The following CSPG4 variants were observed in gnomAD, a reference collection of about 807,000 sequenced individuals.
CSPG4 encodes chondroitin sulfate proteoglycan 4 (melanoma-associated).
In CSPG4, 74 loss-of-function variants were observed where a neutral mutation model predicts 139.3. The ratio of observed to expected loss-of-function variants is 0.53; its 90% CI spans 0.44 to 0.64. The LOEUF (loss-of-function observed/expected upper bound fraction) is 0.64, where lower values mean the gene tolerates loss of function less well. Among genes scored for constraint, CSPG4 ranks in the 30% least tolerant of loss-of-function variants. The pLI is 0.00. For synonymous variants in CSPG4, 1,234 were observed against 1,394.2 expected, an observed-to-expected ratio of 0.89 and a Z score of 2.56; for missense variants, 2,565 against 3,148.3, an observed-to-expected ratio of 0.81 and a Z score of 4.43.
chr15:75,691,033 G>A (rs1481084095), intron 2 of CSPG4, among the ~76,000 whole-genome samples: 1 of 152,186 alleles, frequency 6.6e-6, no homozygotes, highest in Non-Finnish European at 1.5e-5. Flanking sequence ...AATTAGCTGG[G>A]CATGGTGGCG....
intron 1 of CSPG4, among the ~76,000 whole-genome samples, chr15:75,707,658 A>C (rs1280258973): frequency 2.0e-5 from 3 of 152,190 alleles, no homozygotes; most frequent in Non-Finnish European, 4.4e-5. Context: ...GGCCCTTAGT[A>C]CCAATCTTCA....
Position 75,690,745 on chromosome 15 carries a change from G to A in CSPG4, c.320C>T (p.Ser107Phe). The A allele has an allele frequency of 6.2e-7, 1 of 1,613,210 alleles. No individual in the cohort carries two copies. The highest frequency in any genetic ancestry group is 8.5e-7 in the Non-Finnish European group (1 of 1,180,018). Reference protein sequence around the residue: ...QTPAETLLSDSIPHTVVLTVV... With the variant: ...QTPAETLLSDFIPHTVVLTVV... Reference sequence around the variant, plus strand: ...AGTCAGCACCACAGTGTGGGGGATGGAGTCACTCAGCAGCGTCTCTGCTGG... The same window carrying A: ...AGTCAGCACCACAGTGTGGGGGATGAAGTCACTCAGCAGCGTCTCTGCTGG... Residue 107 changes from serine (S) to phenylalanine (F), a missense_variant, in exon 3 of 10, where the codon TCC (serine) becomes TTC (phenylalanine). By Grantham distance (155) the Ser-to-Phe change is radical. Transcript: ENST00000308508.
chr15:75,683,939 T>C (rs1894016590), intron 5 of CSPG4, among the ~76,000 whole-genome samples: 1 of 152,152 alleles, frequency 6.6e-6, no homozygotes, highest in Non-Finnish European at 1.5e-5. Context: ...CGTCCTGGCC[T>C]GTGGTTCCAG....
At chr15:75,678,322 G>T (rs1893922581) in intron 8 of CSPG4, among the ~76,000 whole-genome samples, 1 of 151,962 alleles carries the variant, frequency 6.6e-6, no homozygotes, top group Non-Finnish European at 1.5e-5. Flanking sequence ...CTATTCTTTT[G>T]TCTCACTTAC....
rs956046202 is a variant in CSPG4 at position 75,696,314 on chromosome 15, G to C, written c.89-3081C>G. On this transcript the variant is annotated intron_variant, in intron 1 of 9. Coordinates refer to ENST00000308508, the MANE Select transcript of CSPG4 (RefSeq NM_001897.5). The surrounding 1 kb of genome is among the most constrained non-coding windows in gnomAD (Gnocchi z 4.2). ...AGGTGCCAAGCCTTGGGCATGAGAG[G>C]AGCAGGATGCCCCACAGGTCTGGGG... 6.6e-6 allele frequency among the ~76,000 whole-genome samples: 1 copy of C among 152,162 alleles called. No homozygotes were observed. The highest frequency in any genetic ancestry group is 1.5e-5 in the Non-Finnish European group (1 of 68,018).
chr15:75,696,763 G>C lies in CSPG4; in HGVS notation c.89-3530C>G, dbSNP rs1894232127. On this transcript the variant is annotated intron_variant, in intron 1 of 9. Coordinates refer to ENST00000308508, the MANE Select transcript of CSPG4 (RefSeq NM_001897.5). The surrounding 1 kb of genome is among the most constrained non-coding windows in gnomAD (Gnocchi z 4.2). ...ACTGCTGTCTGGGCCTGAGGGTGGGGTGGCTCCATCCTTCTTCCTGAGATC... is the reference window on the plus strand; with the variant it reads ...ACTGCTGTCTGGGCCTGAGGGTGGGCTGGCTCCATCCTTCTTCCTGAGATC... Among the ~76,000 whole-genome samples the C allele has an allele frequency of 6.6e-6, 1 of 152,182 alleles. No individual in the cohort carries two copies. The highest frequency in any genetic ancestry group is 2.1e-4 in the South Asian group (1 of 4,828).
chr15:75,700,554 T>G (rs570269227), intron 1 of CSPG4, among the ~76,000 whole-genome samples: 415 of 151,644 alleles, frequency 2.7e-3, no homozygotes, highest in Non-Finnish European at 4.7e-3. Context: ...TGCCCACTGG[T>G]GACTTGGAGG....
At chr15:75,697,920 A>G (rs60917660) in intron 1 of CSPG4, among the ~76,000 whole-genome samples, 2,722 of 152,340 alleles carry the variant, frequency 0.018, 81 homozygotes, top group African/African-American at 0.062. Context: ...GAAGACAGCT[A>G]ACATGGGAGA....
chr15:75,686,973 C>G lies in CSPG4; in HGVS notation c.3789+303G>C, dbSNP rs537020540. On this transcript the variant is annotated intron_variant, in intron 3 of 9. Coordinates refer to ENST00000308508, the MANE Select transcript of CSPG4 (RefSeq NM_001897.5). ...ACTGACTGCAATGGAGATTCTCGGG[C>G]TCCACGTCAGAGATTCTGTAGGGCT... Among the ~76,000 whole-genome samples the G allele has an allele frequency of 2.2e-4, 33 of 152,140 alleles. No individual in the cohort carries two copies. The East Asian group carries it at 5.6e-3, about 26-fold the overall frequency.
At position 75,690,620 on chromosome 15, in the gene CSPG4, C is replaced by T. The variant is rs759492419; in HGVS notation, c.445G>A (p.Gly149Arg). The change falls in exon 3 of 10, where the codon GGG becomes AGG. Residue 149 changes from glycine (G) to arginine (R), a missense_variant. Physicochemically the swap from Gly to Arg is moderately radical, Grantham distance 125. Transcript: ENST00000308508. ...GGCAGGCCAAGGGTCCCAGTGCCCC[C>T]AACAAAGAGCCCATAGGGGACCTCT... Reference protein sequence around the residue: ...PLEVPYGLFVGGTGTLGLPYL... With the variant: ...PLEVPYGLFVRGTGTLGLPYL... 1 of 1,610,606 alleles carries T rather than the reference C, an allele frequency of 6.2e-7. No individual in the cohort carries two copies. Among genetic ancestry groups the T allele is most frequent in the Non-Finnish European group, 8.5e-7 (1 of 1,179,428 alleles).
At position 75,690,748 on chromosome 15, in the gene CSPG4, T is replaced by A. The variant is rs1214685806; in HGVS notation, c.317A>T (p.Asp106Val). ...LQTPAETLLS[D>V]SIPHTVVLTV... ...CAGCACCACAGTGTGGGGGATGGAG[T>A]CACTCAGCAGCGTCTCTGCTGGAGT... is the stretch of plus-strand genomic sequence containing the variant. Residue 106 changes from aspartate to valine, a missense_variant, in exon 3 of 10, where the codon GAC becomes GTC. By Grantham distance (152) the Asp-to-Val change is radical (BLOSUM62 -3). This residue lies in a region of CSPG4 where 132 missense variants were observed against 132.3 expected (regional missense o/e 1.00). Transcript: ENST00000308508. 5 of 1,613,054 alleles carry A rather than the reference T, an allele frequency of 3.1e-6. No individual in the cohort carries two copies. The highest frequency in any genetic ancestry group is 4.2e-6 in the Non-Finnish European group (5 of 1,179,976).
chr15:75,692,273 C>A (rs748171879), intron 2 of CSPG4, among the ~76,000 whole-genome samples: 2 of 152,148 alleles, frequency 1.3e-5, no homozygotes, highest in African/African-American at 2.4e-5. Flanking sequence ...CATGAGCCAC[C>A]GCGTCCGGTT....
Position 75,687,973 on chromosome 15 carries a change from C to T in CSPG4, c.3092G>A (p.Arg1031Gln), listed in dbSNP as rs567980213. 9 of 1,612,636 alleles carry T rather than the reference C, an allele frequency of 5.6e-6. No individual in the cohort carries two copies. Among genetic ancestry groups the T allele is most frequent in the Middle Eastern group, 3.3e-4 (2 of 6,062 alleles). ...QTISRIFHVARGGRRLLTTDD... is the reference protein window; with the variant it reads ...QTISRIFHVAQGGRRLLTTDD... ...TGTAGTCAGCAGCCGCCGCCCACCC[C>T]GGGCCACATGGAAGATCCGGCTGAT... is the stretch of plus-strand genomic sequence containing the variant. The change falls in exon 3 of 10, where the codon CGG (arginine) becomes CAG (glutamine). Residue 1031 changes from arginine to glutamine, a missense_variant. Transcript: ENST00000308508. The surrounding 1 kb of genome is among the most constrained non-coding windows in gnomAD (Gnocchi z 5.4).
intron 2 of CSPG4, among the ~76,000 whole-genome samples, 188 bp downstream of exon 2, chr15:75,692,882 G>A (rs917379628): frequency 6.6e-6 from 1 of 152,098 alleles, no homozygotes; most frequent in Non-Finnish European, 1.5e-5. Flanking sequence ...GAGGGAGCCA[G>A]TGGGCAGAGC....
At chr15:75,704,439 G>A (rs1354173335) in intron 1 of CSPG4, among the ~76,000 whole-genome samples, 1 of 152,222 alleles carries the variant, frequency 6.6e-6, no homozygotes, top group African/African-American at 2.4e-5. Flanking sequence ...GGCTCCAGAT[G>A]GGTGGCCAGA....
rs182410687 is a variant in CSPG4 at position 75,696,964 on chromosome 15, G to A, written c.89-3731C>T. Among the ~76,000 whole-genome samples, 1 of 152,310 alleles carries A rather than the reference G, an allele frequency of 6.6e-6. No homozygotes were observed. Among genetic ancestry groups the A allele is most frequent in the Non-Finnish European group, 1.5e-5 (1 of 68,010 alleles). ...GGAGGAGTGTGGATGGGCCCCTGAG[G>A]CTTCCAGCCTGACACCCAGCCCTCT... On this transcript the variant is annotated intron_variant, in intron 1 of 9. Coordinates refer to ENST00000308508, the MANE Select transcript of CSPG4 (RefSeq NM_001897.5). The surrounding 1 kb of genome is among the most constrained non-coding windows in gnomAD (Gnocchi z 4.2).
Position 75,698,533 on chromosome 15 carries a change from C to T in CSPG4, c.89-5300G>A, listed in dbSNP as rs1392969644. ...TCTACTTCCAACCAAGCAGGCAGGGCATGGGTGAGTGTGTGCAGGAATGTG... is the reference window on the plus strand; with the variant it reads ...TCTACTTCCAACCAAGCAGGCAGGGTATGGGTGAGTGTGTGCAGGAATGTG... On this transcript the variant is annotated intron_variant, in intron 1 of 9. Coordinates refer to ENST00000308508, the MANE Select transcript of CSPG4 (RefSeq NM_001897.5). The surrounding 1 kb of genome is among the most constrained non-coding windows in gnomAD (Gnocchi z 4.3). Among the ~76,000 whole-genome samples the T allele has an allele frequency of 1.3e-5, 2 of 152,008 alleles. No homozygotes were observed. The highest frequency in any genetic ancestry group is 4.8e-5 in the African/African-American group (2 of 41,372).
intron 8 of CSPG4, chr15:75,678,613 C>G (rs1160850618): frequency 2.2e-6 from 1 of 455,186 alleles, no homozygotes; most frequent in Non-Finnish European, 4.4e-6. Context: ...CTCGGCCTCC[C>G]AGAGTGCTAG....
At position 75,685,708 on chromosome 15, in the gene CSPG4, AAC is replaced by A. The variant is rs749154042; in HGVS notation, c.3790-9_3790-8del. On this transcript the variant is annotated splice_polypyrimidine_tract_variant and splice_region_variant and intron_variant, in intron 3 of 9. Coordinates refer to ENST00000308508, the MANE Select transcript of CSPG4 (RefSeq NM_001897.5). ...GCACTGCCTCCTGGGCTGCCTGGTT[AAC>A]AGAGGTCACAAGGACTCACAGGGGG... The A allele has an allele frequency of 4.2e-5, 67 of 1,581,396 alleles. No individual in the cohort carries two copies. The highest frequency in any genetic ancestry group is 1.1e-4 in the East Asian group (5 of 44,674).
Sources: gnomAD v4.1 joint callset for allele counts (sites outside exome capture counted in the v4.1 genomes callset) on GRCh38, gnomAD v4.1.1 for gene constraint, gnomAD v4.1.1 regional missense constraint, Gnocchi (gnomAD v3.1) non-coding constraint, MANE v1.5 for transcripts, NCBI Gene and HGNC (gene_info 2026-07-23, HGNC 2026-07-21) for gene names.